DOP1B: variants seen among roughly 807,000 people sequenced by gnomAD.
DOP1B encodes the protein DOP1 leucine zipper like protein B, also known as protein DOP1B.
Under a neutral mutation model 233.5 loss-of-function variants are expected in DOP1B, and 174 were observed. The ratio of observed to expected loss-of-function variants is 0.75; its 90% CI spans 0.66 to 0.85. The LOEUF (loss-of-function observed/expected upper bound fraction) is 0.85. DOP1B is among the 40% of genes least tolerant of loss of function. DOP1B has a pLI of 0.00. For synonymous variants in DOP1B, 1,190 were observed against 1,185.6 expected, an observed-to-expected ratio of 1.00 and a Z score of -0.08; for missense variants, 2,652 against 2,846.6, an observed-to-expected ratio of 0.93 and a Z score of 1.56.
In DOP1B at chr21:36,212,108, G is replaced by C. The variant is rs1322770118; in HGVS notation, c.904+11G>C. 6.4e-6 allele frequency: 10 copies of C among 1,553,682 alleles called. No individual in the cohort carries two copies. The highest frequency in any genetic ancestry group is 6.9e-6 in the Non-Finnish European group (8 of 1,152,038). ...ATGCATGGTTACTAGGTACTGAGCA[G>C]TATACACCCTTTTAAAGTCAAAGTT... On this transcript the variant is annotated intron_variant, in intron 7 of 36. Transcript: ENST00000691173.
chr21:36,251,922 A>G (rs2123609205), intron 22 of DOP1B, among the ~76,000 whole-genome samples: 1 of 152,338 alleles, frequency 6.6e-6, no homozygotes, highest in South Asian at 2.1e-4. Context: ...AAGAATAAAA[A>G]TGGCACAGTG....
intron 32 of DOP1B, among the ~76,000 whole-genome samples, chr21:36,281,883 C>T (rs958917310): frequency 2.0e-5 from 3 of 152,108 alleles, no homozygotes; most frequent in African/African-American, 4.8e-5. Flanking sequence ...CCCCACTTCC[C>T]GATAACATTA....
chr21:36,201,889 C>T (rs371646640), intron 4 of DOP1B, among the ~76,000 whole-genome samples: 78 of 151,810 alleles, frequency 5.1e-4, no homozygotes, highest in African/African-American at 1.2e-3. Context: ...GAATCTGTTC[C>T]GACTATTGAG....
rs1366436103 is a variant in DOP1B, at chr21:36,239,811, A to G, written c.2923A>G (p.Ile975Val). 6.4e-7 allele frequency: 1 copy of G among 1,562,638 alleles called. No individual in the cohort carries two copies. Among genetic ancestry groups the G allele is most frequent in the South Asian group, 1.2e-5 (1 of 85,384 alleles). ...CAGCCTGGCCTGCACGGATGGTGCC[A>G]TCGGTGCGGCAGCCCAGGGCTGGCT... Reference protein sequence around the residue: ...LDSLACTDGAIGAAAQGWLVR... With the variant: ...LDSLACTDGAVGAAAQGWLVR... The change falls in exon 18 of 37, where the codon ATC becomes GTC. Residue 975 changes from isoleucine (I) to valine (V), a missense_variant. Ile to Val is a conservative substitution (Grantham distance 29). This residue lies in a region of DOP1B where 2,617 missense variants were observed against 2,794.3 expected (regional missense o/e 0.94). Transcript: ENST00000691173.
In DOP1B at chr21:36,211,588, T is replaced by G. The variant is rs996393404; in HGVS notation, c.717T>G (p.Asn239Lys). The change falls in exon 6 of 37, where the codon AAT (asparagine) becomes AAG (lysine). Residue 239 changes from asparagine to lysine, a missense_variant. By Grantham distance (94) the Asn-to-Lys change is moderately conservative (BLOSUM62 0). Coordinates refer to ENST00000691173, the MANE Select transcript of DOP1B (RefSeq NM_001320714.2). ...KSLRASLLDS[N>K]VLVQRNNLEI... ...TGCGTGCCTCCCTGTTGGACTCAAA[T>G]GTTCTTGTGCAAAGAAATAATCTGG... The G allele has an allele frequency of 6.2e-7, 1 of 1,614,200 alleles. No individual in the cohort carries two copies. Among genetic ancestry groups the G allele is most frequent in the Admixed American group, 1.7e-5 (1 of 60,020 alleles).
chr21:36,197,807 C>T lies in DOP1B; in HGVS notation c.139-1263C>T, dbSNP rs148808271. On this transcript the variant is annotated intron_variant, in intron 2 of 36. Transcript: ENST00000691173. ...GGTGGATCCCTTGAGGTCAGGAGTT[C>T]GAGACCAGTCTGGCCAACATGGTGA... is the stretch of plus-strand genomic sequence containing the variant. Among the ~76,000 whole-genome samples the T allele has an allele frequency of 8.2e-3, 1,231 of 150,692 alleles. 23 individuals carry two copies. The highest frequency in any genetic ancestry group is 0.028 in the African/African-American group (1,159 of 41,094).
At chr21:36,266,772 C>T (rs2067235380) in intron 26 of DOP1B, among the ~76,000 whole-genome samples, 1 of 152,212 alleles carries the variant, frequency 6.6e-6, no homozygotes, top group East Asian at 1.9e-4. Context: ...CAGCCACAAC[C>T]ATCTAAGACA....
intron 1 of DOP1B, among the ~76,000 whole-genome samples, chr21:36,163,353 AAAAAAAG>A (rs887053572): frequency 1.3e-5 from 2 of 151,244 alleles, no homozygotes; most frequent in African/African-American, 4.8e-5. Context: ...TCAAAAAAAA[AAAAAAAG>A]AAAGAAAGAA....
chr21:36,262,518 A>C (rs1333872514), intron 24 of DOP1B, among the ~76,000 whole-genome samples: 1 of 152,132 alleles, frequency 6.6e-6, no homozygotes, highest in Non-Finnish European at 1.5e-5. Context: ...CCTGGGACCT[A>C]ATGCTTTGCA....
intron 34 of DOP1B, 98 bp from the exon 35 acceptor site, chr21:36,288,947 T>C (rs952177454): frequency 6.6e-7 from 1 of 1,521,070 alleles, no homozygotes; most frequent in Non-Finnish European, 8.9e-7. Flanking sequence ...TCCAAAAATT[T>C]CTTAAAAAGA....
intron 32 of DOP1B, among the ~76,000 whole-genome samples, chr21:36,285,323 G>T (rs1459107168): frequency 6.6e-6 from 1 of 152,120 alleles, no homozygotes; most frequent in Non-Finnish European, 1.5e-5. Flanking sequence ...GCCTCCCAAA[G>T]TGCTGGGATT....
At chr21:36,201,822 A>G (rs2066370924) in intron 4 of DOP1B, among the ~76,000 whole-genome samples, 1 of 150,668 alleles carries the variant, frequency 6.6e-6, no homozygotes, top group African/African-American at 2.5e-5. Flanking sequence ...ACAAAAGTTC[A>G]TGTAGCTTTG....
chr21:36,217,309 A>C (rs551757923), intron 9 of DOP1B, among the ~76,000 whole-genome samples: 1 of 152,338 alleles, frequency 6.6e-6, no homozygotes, highest in East Asian at 1.9e-4. Context: ...ACCATGGCTG[A>C]CATTTTTTGA....
Position 36,245,637 on chromosome 21 carries a change from G to A in DOP1B, c.3657G>A (p.Glu1219=), listed in dbSNP as rs1421565334. 1 of 1,613,426 alleles carries A rather than the reference G, an allele frequency of 6.2e-7. No homozygotes were observed. The highest frequency in any genetic ancestry group is 1.7e-5 in the Admixed American group (1 of 60,006). Residue 1219 remains glutamate (E), a synonymous_variant, in exon 19 of 37, where the codon GAG becomes GAA. Transcript: ENST00000691173. This position sits in a 1 kb window ranked among gnomAD's most constrained non-coding sequence, Gnocchi z 5.5. ...TAAAGCAGCAGCGGGAAAGGCAGGA[G>A]GCCGTCGAGGCCTTGTTCAAGCACA... is the stretch of plus-strand genomic sequence containing the variant. ...RLLKQQRERQ[E]AVEALFKHIL...
At chr21:36,169,660 G>A in intron 2 of DOP1B, 2 of 904,780 alleles carry the variant, frequency 2.2e-6, no homozygotes, top group Non-Finnish European at 3.7e-6. Context: ...CCTTCTTCTG[G>A]CGCAGAGGAA....
chr21:36,237,915 T>G (rs767198400), intron 16 of DOP1B, among the ~76,000 whole-genome samples: 1 of 152,070 alleles, frequency 6.6e-6, no homozygotes, highest in Non-Finnish European at 1.5e-5. Flanking sequence ...CGCCTGTAAT[T>G]CCAGCACTTT....
intron 22 of DOP1B, among the ~76,000 whole-genome samples, chr21:36,253,352 G>T (rs1465082026): frequency 6.6e-6 from 1 of 152,070 alleles, no homozygotes; most frequent in Non-Finnish European, 1.5e-5. Flanking sequence ...TTCCTAATTT[G>T]TATCAAATTA....
chr21:36,169,678 C>T (rs1487091027), intron 2 of DOP1B: 7 of 892,872 alleles, frequency 7.8e-6, no homozygotes, highest in African/African-American at 4.9e-5. Flanking sequence ...GAAGTAGGCG[C>T]GTCTGGGTGT....
intron 2 of DOP1B, among the ~76,000 whole-genome samples, chr21:36,173,434 T>G (rs1021834682): frequency 8.6e-5 from 13 of 151,390 alleles, no homozygotes; most frequent in Non-Finnish European, 1.8e-4. Context: ...CTTTTTTTTT[T>G]TTTTTGAGAT....
Sources: gnomAD v4.1 joint callset for allele counts (sites outside exome capture counted in the v4.1 genomes callset) on GRCh38, gnomAD v4.1.1 for gene constraint, gnomAD v4.1.1 regional missense constraint, Gnocchi (gnomAD v3.1) non-coding constraint, MANE v1.5 for transcripts, NCBI Gene and HGNC (gene_info 2026-07-23, HGNC 2026-07-21) for gene names.